PALM: variants seen among roughly 807,000 people sequenced by gnomAD.
PALM encodes the protein paralemmin-1.
A neutral mutation model predicts 30.7 loss-of-function variants in PALM; 18 were observed. The observed-to-expected ratio is 0.59, with a 90% CI of 0.41 to 0.87. PALM has a LOEUF of 0.87. Among genes scored for constraint, PALM ranks in the 40% least tolerant of loss-of-function variants. The probability of loss-of-function intolerance (pLI) is 0.00; values close to 1 mark genes in which losing one functional copy is unlikely to be tolerated. For missense variants in PALM, 529 were observed against 555.4 expected (o/e 0.95, Z 0.48); for synonymous variants, 286 against 242.8 (o/e 1.18, Z -1.66).
intron 8 of PALM, among the ~76,000 whole-genome samples, chr19:743,285 G>A (rs768171441): frequency 2.6e-5 from 4 of 152,240 alleles, no homozygotes; most frequent in South Asian, 2.1e-4. Context: ...CTCGTCTTCC[G>A]GATGAGGTCC....
At chr19:723,470 C>G (rs1013482264) in intron 1 of PALM, among the ~76,000 whole-genome samples, 8 of 152,188 alleles carry the variant, frequency 5.3e-5, no homozygotes, top group Admixed American at 5.2e-4. Context: ...CACCGCCAAC[C>G]CCTACCGTCC....
chr19:737,828 G>T (rs2033067966), intron 7 of PALM, among the ~76,000 whole-genome samples: 1 of 152,104 alleles, frequency 6.6e-6, no homozygotes, highest in Non-Finnish European at 1.5e-5. Flanking sequence ...ATTGTTGAGG[G>T]CCCTGTGGCA....
intron 1 of PALM, among the ~76,000 whole-genome samples, chr19:721,679 C>T (rs1031545797): frequency 6.6e-5 from 10 of 151,162 alleles, no homozygotes; most frequent in African/African-American, 2.2e-4. Flanking sequence ...CTCACCGTGA[C>T]TTCTGCCTCC....
At chr19:734,938 GTTAA>G (rs2144903236) in intron 6 of PALM, 1 of 399,618 alleles carries the variant, frequency 2.5e-6, no homozygotes, top group South Asian at 1.0e-4. Context: ...TTTGTTGTGT[GTTAA>G]TTATTCATAA....
chr19:714,354 CTT>C (rs2032186368), intron 1 of PALM, among the ~76,000 whole-genome samples: 4 of 131,340 alleles, frequency 3.0e-5, no homozygotes, highest in Admixed American at 2.4e-4. Context: ...TTCTTTTTTT[CTT>C]TCTTTTTTTT....
chr19:740,213 C>T (rs1428940382), intron 7 of PALM, 139 bp from the exon 8 acceptor site: 2 of 807,798 alleles, frequency 2.5e-6, no homozygotes, highest in Non-Finnish European at 3.9e-6. Flanking sequence ...GAGAAGGTGC[C>T]CAGGCATCCC....
Position 726,997 on chromosome 19 carries a change from C to CCCA in PALM, c.58-10_58-9insCAC. ...ACGCCCATCCCTGACCCCACCCGGC[C>CCCA]CTCCCCACAGGAGAAGCGGAAGCGG... On this transcript the variant is annotated splice_polypyrimidine_tract_variant and intron_variant, in intron 2 of 8. Transcript: ENST00000338448. The CCCA allele has an allele frequency of 3.5e-6, 5 of 1,444,030 alleles. No homozygotes were observed. The highest frequency in any genetic ancestry group is 1.4e-5 in the African/African-American group (1 of 70,720). The allele number at this position is 1,444,030 out of a possible 1,614,324, so 89.5% of individuals were successfully genotyped here. A position where few individuals can be genotyped will look rare whatever the true frequency, so the allele number is the denominator to read the frequency against.
At chr19:727,932 G>C (rs1568226101) in intron 4 of PALM, 2 of 530,632 alleles carry the variant, frequency 3.8e-6, no homozygotes, top group Non-Finnish European at 6.7e-6. Context: ...GCCTCAGGCA[G>C]GGAGATACCC....
chr19:746,906 T>C lies in PALM; in HGVS notation c.*92T>C. Reference sequence around the variant, plus strand: ...GCCTGCCCACCCTCCACCCACAGCCTCACGGGTCCAGGACTTGGCGTGTTG... The same window carrying C: ...GCCTGCCCACCCTCCACCCACAGCCCCACGGGTCCAGGACTTGGCGTGTTG... On this transcript the variant is annotated 3_prime_UTR_variant, in exon 9 of 9. Transcript: ENST00000338448. The surrounding 1 kb of genome is among the most constrained non-coding windows in gnomAD (Gnocchi z 7.1). 2.9e-6 allele frequency: 2 copies of C among 680,020 alleles called. No homozygotes were observed. Among genetic ancestry groups the C allele is most frequent in the Non-Finnish European group, 4.7e-6 (2 of 428,014 alleles). The allele number at this position is 680,020 out of a possible 1,614,324, so 42.1% of individuals were successfully genotyped here.
In PALM at chr19:727,238, G is replaced by A. The variant is rs117401637; in HGVS notation, c.138+150G>A. 11,898 of 469,956 alleles carry A rather than the reference G, an allele frequency of 0.025. 1,195 individuals carry two copies. The East Asian group carries it at 0.26, about 10-fold the overall frequency. 29.1% of individuals were successfully genotyped at this position (469,956 alleles called of 1,614,324 possible). On this transcript the variant is annotated intron_variant, in intron 3 of 8. Transcript: ENST00000338448. ...TGACCCTGACCCCGACCCTGACCCC[G>A]ACCCCGACCCCGACCCTGACCCCAA...
chr19:726,376 T>C (rs1232779389), intron 2 of PALM, among the ~76,000 whole-genome samples, 187 bp downstream of exon 2: 1 of 152,156 alleles, frequency 6.6e-6, no homozygotes, highest in Non-Finnish European at 1.5e-5. Context: ...AGTCGGCAGC[T>C]CCTGGACCCC....
intron 7 of PALM, among the ~76,000 whole-genome samples, chr19:738,288 A>G (rs961051824): frequency 2.0e-5 from 3 of 152,154 alleles, no homozygotes; most frequent in Non-Finnish European, 4.4e-5. Context: ...GCACTTTGGG[A>G]GGCCGAGGGG....
rs2033366751 is a variant in PALM at position 746,938 on chromosome 19, GTTCC to G, written c.*129_*132del. On this transcript the variant is annotated 3_prime_UTR_variant, in exon 9 of 9. Transcript: ENST00000338448. The surrounding 1 kb of genome is among the most constrained non-coding windows in gnomAD (Gnocchi z 7.1). ...TCCAGGACTTGGCGTGTTGTTACAT[GTTCC>G]TTCCGAGTTTTCTTTCGCTGGAAAG... 9.3e-6 allele frequency: 6 copies of G among 646,174 alleles called. No individual in the cohort carries two copies. Among genetic ancestry groups the G allele is most frequent in the Middle Eastern group, 4.3e-4 (1 of 2,348 alleles). The allele number at this position is 646,174 out of a possible 1,614,324, so 40.0% of individuals were successfully genotyped here.
At chr19:741,599 G>C (rs1350323109) in intron 8 of PALM, among the ~76,000 whole-genome samples, 1 of 151,872 alleles carries the variant, frequency 6.6e-6, no homozygotes, top group Non-Finnish European at 1.5e-5. Flanking sequence ...TCAGGGAGTT[G>C]AGGAGCTGGG....
At chr19:728,627 G>C (rs545784239) in intron 4 of PALM, among the ~76,000 whole-genome samples, 6 of 152,068 alleles carry the variant, frequency 3.9e-5, no homozygotes, top group Admixed American at 3.9e-4. Flanking sequence ...GACCAACATC[G>C]TGAAACCCCA....
At chr19:723,058 C>G (rs2032543736) in intron 1 of PALM, among the ~76,000 whole-genome samples, 1 of 152,098 alleles carries the variant, frequency 6.6e-6, no homozygotes, top group Non-Finnish European at 1.5e-5. Flanking sequence ...AGGTCTTGAC[C>G]CGGAGCAGCC....
rs1027878615 is a variant in PALM, at chr19:709,137, C to A, written c.-10C>A. ...CGGCACCGCGGACCCACCCGGACCT[C>A]GGCGGGGAGATGGAGTGAGTAGGCG... On this transcript the variant is annotated 5_prime_UTR_variant, in exon 1 of 9. Transcript: ENST00000338448. The surrounding 1 kb of genome is among the most constrained non-coding windows in gnomAD (Gnocchi z 4.3). 6.3e-6 allele frequency: 2 copies of A among 315,736 alleles called. No individual in the cohort carries two copies. The highest frequency in any genetic ancestry group is 1.2e-5 in the Non-Finnish European group (2 of 173,034). 19.6% of individuals were successfully genotyped at this position (315,736 alleles called of 1,614,324 possible). A position where few individuals can be genotyped will look rare whatever the true frequency, so the allele number is the denominator to read the frequency against.
At position 720,318 on chromosome 19, in the gene PALM, G is replaced by T. The variant is rs2032424492; in HGVS notation, c.6-5820G>T. Among the ~76,000 whole-genome samples the T allele has an allele frequency of 1.3e-5, 2 of 151,540 alleles. 1 individual carries two copies. Among genetic ancestry groups the T allele is most frequent in the South Asian group, 4.2e-4 (2 of 4,808 alleles). On this transcript the variant is annotated intron_variant, in intron 1 of 8. Transcript: ENST00000338448. ...CGGGGCGGCGGCGCCCGGGTCTGGG[G>T]AGGGGCGAGGGGGGCGCATCCTGCG...
At chr19:720,065 C>T (rs1159857173) in intron 1 of PALM, among the ~76,000 whole-genome samples, 1 of 151,886 alleles carries the variant, frequency 6.6e-6, no homozygotes, top group African/African-American at 2.4e-5. Context: ...CAGACGGGGA[C>T]CCCCCTCCCC....
Sources: gnomAD v4.1 joint callset for allele counts (sites outside exome capture counted in the v4.1 genomes callset) on GRCh38, gnomAD v4.1.1 for gene constraint, Gnocchi (gnomAD v3.1) non-coding constraint, MANE v1.5 for transcripts, NCBI Gene and HGNC (gene_info 2026-07-23, HGNC 2026-07-21) for gene names.